The following ATRAID variants were observed in gnomAD, a reference collection of about 807,000 sequenced individuals.
ATRAID encodes the protein all-trans retinoic acid-induced differentiation factor.
ATRAID carries 26 observed loss-of-function variants against 28.8 expected under a neutral mutation model. That is an observed-to-expected ratio of 0.90 (90% CI 0.66 to 1.25). The LOEUF (loss-of-function observed/expected upper bound fraction) is 1.25, where lower values mean the gene tolerates loss of function less well. Ranked by LOEUF, ATRAID falls within the 50% of genes most tolerant of loss-of-function variation. The pLI, the probability that ATRAID is intolerant of heterozygous loss-of-function variation, is 0.00. For missense variants in ATRAID, 308 were observed against 285.9 expected, an observed-to-expected ratio of 1.08 and a Z score of -0.56; for synonymous variants, 131 against 108.5, an observed-to-expected ratio of 1.21 and a Z score of -1.29.
In ATRAID at chr2:27,212,352, C is replaced by T. The variant is rs373432775; in HGVS notation, c.-17C>T. 4.5e-6 allele frequency: 7 copies of T among 1,550,084 alleles called. No individual in the cohort carries two copies. The African/African-American group carries it at 6.8e-5, about 15-fold the overall frequency. On this transcript the variant is annotated 5_prime_UTR_variant, in exon 1 of 7. Coordinates refer to ENST00000380171, the MANE Select transcript of ATRAID (RefSeq NM_001170795.4). Reference sequence around the variant, plus strand: ...GGGCCGGGTCGCGCGAGCAGCGGAGCACCAAGGGAACGGAAAATGGCGCCT... The same window carrying T: ...GGGCCGGGTCGCGCGAGCAGCGGAGTACCAAGGGAACGGAAAATGGCGCCT...
rs756543822 is a variant in ATRAID, at chr2:27,215,496, A to C, written c.316A>C (p.Lys106Gln). 1.9e-6 allele frequency: 3 copies of C among 1,614,210 alleles called. No homozygotes were observed. The highest frequency in any genetic ancestry group is 1.7e-6 in the Non-Finnish European group (2 of 1,180,020). Residue 106 changes from lysine to glutamine, a missense_variant, in exon 4 of 7, where the codon AAA becomes CAA. Physicochemically the swap from Lys to Gln is moderately conservative, Grantham distance 53. Coordinates refer to ENST00000380171, the MANE Select transcript of ATRAID (RefSeq NM_001170795.4). ...CAGAGACCTGCAAGCAAACCCCCTCAAAGGTGACTTGGCCAACACCTTCCG... is the reference window on the plus strand; with the variant it reads ...CAGAGACCTGCAAGCAAACCCCCTCCAAGGTGACTTGGCCAACACCTTCCG... ...VIIDLQANPL[K>Q]GDLANTFRGF...
intron 3 of ATRAID, 30 bp downstream of exon 3, chr2:27,215,422 G>A (rs760508001): frequency 6.2e-7 from 1 of 1,614,052 alleles, no homozygotes; most frequent in South Asian, 1.1e-5. Context: ...CCACCCAAAA[G>A]GCTAATATAA....
chr2:27,217,056 G>C lies in ATRAID; in HGVS notation c.*108G>C. ...CTTTCGCCAGTGGATTCGCCTCAAG[G>C]TTGAGGCCGCCATTGGAAGATGAAA... On this transcript the variant is annotated 3_prime_UTR_variant, in exon 7 of 7. Coordinates refer to ENST00000380171, the MANE Select transcript of ATRAID (RefSeq NM_001170795.4). The C allele has an allele frequency of 5.4e-6, 5 of 920,892 alleles. No homozygotes were observed. The highest frequency in any genetic ancestry group is 6.5e-6 in the Non-Finnish European group (4 of 619,612). The allele number at this position is 920,892 out of a possible 1,614,324, so 57.0% of individuals were successfully genotyped here. A position where few individuals can be genotyped will look rare whatever the true frequency, so the allele number is the denominator to read the frequency against.
chr2:27,213,199 G>T lies in ATRAID; in HGVS notation c.122G>T (p.Ser41Ile), dbSNP rs1674676649. The change falls in exon 2 of 7, where the codon AGC becomes ATC. Residue 41 changes from serine (S) to isoleucine (I), a missense_variant. Ser to Ile is a moderately radical substitution (Grantham distance 142). Coordinates refer to ENST00000380171, the MANE Select transcript of ATRAID (RefSeq NM_001170795.4). ...CAGATATGCACCCAATGTCCAGGGA[G>T]CGTGCAAAATTTGTCAAAAGTGGCC... is the stretch of plus-strand genomic sequence containing the variant. ...LPEICTQCPG[S>I]VQNLSKVAFY... is the part of the protein sequence containing the mutation. The T allele has an allele frequency of 6.2e-7, 1 of 1,614,024 alleles. No homozygotes were observed. The highest frequency in any genetic ancestry group is 1.7e-5 in the Admixed American group (1 of 59,998).
At position 27,215,624 on chromosome 2, in the gene ATRAID, C is replaced by T. The variant is rs548698730; in HGVS notation, c.366-8C>T. 1.2e-6 allele frequency: 2 copies of T among 1,614,156 alleles called. No homozygotes were observed. The highest frequency in any genetic ancestry group is 3.3e-5 in the Admixed American group (2 of 60,022). ...AACTTTGCATGTTATGACCACATTT[C>T]TCTATAGGATACTGCCACAACATGT... On this transcript the variant is annotated splice_region_variant and splice_polypyrimidine_tract_variant and intron_variant, in intron 4 of 6. Coordinates refer to ENST00000380171, the MANE Select transcript of ATRAID (RefSeq NM_001170795.4).
chr2:27,216,559 G>A lies in ATRAID; in HGVS notation c.524G>A (p.Gly175Asp), dbSNP rs766689674. The A allele has an allele frequency of 1.1e-5, 17 of 1,613,988 alleles. No homozygotes were observed. The highest frequency in any genetic ancestry group is 1.4e-5 in the Non-Finnish European group (16 of 1,180,008). The change falls in exon 6 of 7, where the codon GGT becomes GAT. Residue 175 changes from glycine to aspartate, a missense_variant. Physicochemically the swap from Gly to Asp is moderately conservative, Grantham distance 94. Coordinates refer to ENST00000380171, the MANE Select transcript of ATRAID (RefSeq NM_001170795.4). The part of the protein sequence containing the change: ...CPENGSCVPD[G>D]PGLLQCVCAD... ...GAGAATGGATCTTGTGTACCTGATG[G>A]TCCAGGTCTTTTGCAGTGTGTTTGT...
In ATRAID at chr2:27,212,293, A is replaced by G. The variant is rs1470637641; in HGVS notation, c.-76A>G. On this transcript the variant is annotated 5_prime_UTR_variant, in exon 1 of 7. Coordinates refer to ENST00000380171, the MANE Select transcript of ATRAID (RefSeq NM_001170795.4). ...CGGGCCGCTTAGGCCACGCCCGGGGAAGAGGGCCTGACGCGCTGCGGGGCG... is the reference window on the plus strand; with the variant it reads ...CGGGCCGCTTAGGCCACGCCCGGGGGAGAGGGCCTGACGCGCTGCGGGGCG... 1.3e-6 allele frequency: 2 copies of G among 1,552,332 alleles called. No individual in the cohort carries two copies. Among genetic ancestry groups the G allele is most frequent in the Admixed American group, 2.0e-5 (1 of 50,882 alleles).
At chr2:27,212,690 C>A in intron 1 of ATRAID, 1 of 1,331,598 alleles carries the variant, frequency 7.5e-7, no homozygotes, top group Non-Finnish European at 9.7e-7. Context: ...AACTTGATTT[C>A]GCCCCTTAAT....
At chr2:27,215,425 TA>T in intron 3 of ATRAID, 33 bp downstream of exon 3, 2 of 1,614,050 alleles carry the variant, frequency 1.2e-6, no homozygotes, top group East Asian at 2.2e-5. Flanking sequence ...CCCAAAAGGC[TA>T]ATATAATGTA....
rs140284109 is a variant in ATRAID, at chr2:27,216,599, T to C, written c.564T>C (p.His188=). 1.3e-4 allele frequency: 204 copies of C among 1,613,930 alleles called. No homozygotes were observed. The highest frequency in any genetic ancestry group is 1.6e-4 in the Non-Finnish European group (187 of 1,179,906). ...LLQCVCADGF[H]GYKCMRQGSF... ...AGTGTGTTTGTGCTGATGGTTTCCA[T>C]GGATACAAGTGTATGCGCCAGGTGA... The change falls in exon 6 of 7, where the codon CAT becomes CAC. Residue 188 remains histidine, a synonymous_variant. Coordinates refer to ENST00000380171, the MANE Select transcript of ATRAID (RefSeq NM_001170795.4).
Position 27,215,735 on chromosome 2 carries a change from A to G in ATRAID, c.469A>G (p.Asn157Asp), listed in dbSNP as rs369720973. 2.8e-5 allele frequency: 45 copies of G among 1,614,112 alleles called. No homozygotes were observed. In the African/African-American group the frequency reaches 6.0e-4, roughly 22 times the overall value. The change falls in exon 5 of 7, where the codon AAT (asparagine) becomes GAT (aspartate). Residue 157 changes from asparagine (N) to aspartate (D), a missense_variant. Coordinates refer to ENST00000380171, the MANE Select transcript of ATRAID (RefSeq NM_001170795.4). Reference sequence around the variant, plus strand: ...CTGTCAAGGGCAAAAGAACCTTTGCAATAACACTGGGGACCCAGGTATGCT... The same window carrying G: ...CTGTCAAGGGCAAAAGAACCTTTGCGATAACACTGGGGACCCAGGTATGCT... ...QICQGQKNLC[N>D]NTGDPEMCPE...
intron 2 of ATRAID, among the ~76,000 whole-genome samples, chr2:27,213,894 T>C (rs1674721316): frequency 6.6e-6 from 1 of 152,224 alleles, no homozygotes; most frequent in African/African-American, 2.4e-5. Context: ...CCAACATCTT[T>C]TGTGAATATT....
At chr2:27,216,066 C>T (rs1674816596) in intron 5 of ATRAID, among the ~76,000 whole-genome samples, 2 of 152,160 alleles carry the variant, frequency 1.3e-5, no homozygotes. Flanking sequence ...TTGGGGTAGG[C>T]AGTGGAGTTA....
chr2:27,212,552 C>T, intron 1 of ATRAID, 85 bp downstream of exon 1: 13 of 1,494,952 alleles, frequency 8.7e-6, no homozygotes, highest in Non-Finnish European at 1.2e-5. Context: ...CCCTTCTCCT[C>T]GGCGGGCCTG....
chr2:27,216,846 C>T lies in ATRAID; in HGVS notation c.588C>T (p.Gly196=). 3 of 1,613,684 alleles carry T rather than the reference C, an allele frequency of 1.9e-6. No homozygotes were observed. The highest frequency in any genetic ancestry group is 2.5e-6 in the Non-Finnish European group (3 of 1,179,612). ...GFHGYKCMRQ[G]SFSLLMFFGI... ...GTTTTTTGGTCTGTTGTTCACAGGG[C>T]TCGTTCTCACTGCTTATGTTCTTCG... The change falls in exon 7 of 7, where the codon GGC becomes GGT. Residue 196 remains glycine, a splice_region_variant and synonymous_variant. Coordinates refer to ENST00000380171, the MANE Select transcript of ATRAID (RefSeq NM_001170795.4).
At chr2:27,213,090 C>A in intron 1 of ATRAID, 87 bp from the exon 2 acceptor site, 2 of 1,520,506 alleles carry the variant, frequency 1.3e-6, no homozygotes, top group South Asian at 2.4e-5. Context: ...ATTCTGGAAA[C>A]GTGTACTGGC....
At chr2:27,212,564 G>A in intron 1 of ATRAID, 97 bp downstream of exon 1, 4 of 1,484,170 alleles carry the variant, frequency 2.7e-6, no homozygotes, top group Non-Finnish European at 2.7e-6. Flanking sequence ...GCGGGCCTGC[G>A]GTTCTGATTT....
chr2:27,213,417 G>A (rs1674692755), intron 2 of ATRAID, 119 bp downstream of exon 2: 10 of 1,298,248 alleles, frequency 7.7e-6, no homozygotes, highest in Non-Finnish European at 1.0e-5. Context: ...TCATCACGCA[G>A]ATGTCTACCA....
At chr2:27,212,695 C>T in intron 1 of ATRAID, 1 of 1,323,242 alleles carries the variant, frequency 7.6e-7, no homozygotes, top group African/African-American at 1.5e-5. Flanking sequence ...GATTTCGCCC[C>T]TTAATTTTAG....
Sources: gnomAD v4.1 joint callset for allele counts (sites outside exome capture counted in the v4.1 genomes callset) on GRCh38, gnomAD v4.1.1 for gene constraint, MANE v1.5 for transcripts, NCBI Gene and HGNC (gene_info 2026-07-23, HGNC 2026-07-21) for gene names.